The following IQUB variants were observed in gnomAD, a reference collection of about 807,000 sequenced individuals.
The protein encoded by IQUB is IQ motif and ubiquitin domain containing.
IQUB carries 86 observed loss-of-function variants against 86.4 expected under a neutral mutation model. That is an observed-to-expected ratio of 1.00 (90% CI 0.84 to 1.19). The LOEUF (loss-of-function observed/expected upper bound fraction) is 1.19, where lower values mean the gene tolerates loss of function less well. Ranked by LOEUF, IQUB falls within the 50% of genes most tolerant of loss-of-function variation. IQUB has a pLI of 0.00. For synonymous variants in IQUB, 289 were observed against 304.5 expected (o/e 0.95, Z 0.53); for missense variants, 946 against 916.9 (o/e 1.03, Z -0.41).
chr7:123,466,311 C>T (rs1024215975), intron 9 of IQUB, among the ~76,000 whole-genome samples: 4 of 151,970 alleles, frequency 2.6e-5, no homozygotes, highest in Non-Finnish European at 4.4e-5. Flanking sequence ...CATAATTTGC[C>T]TTTTATGAGT....
At chr7:123,468,035 T>C (rs7799759) in intron 9 of IQUB, among the ~76,000 whole-genome samples, 7,194 of 152,286 alleles carry the variant, frequency 0.047, 537 homozygotes, top group African/African-American at 0.16. Context: ...GGTGCAGTTA[T>C]TACCCAATAG....
At chr7:123,465,067 C>A in intron 9 of IQUB, 58 bp from the exon 10 acceptor site, 2 of 1,154,348 alleles carry the variant, frequency 1.7e-6, no homozygotes, top group Non-Finnish European at 2.5e-6. Context: ...AGTTCACTTT[C>A]AAATTGCCAC....
At chr7:123,463,652 G>A (rs1363099946) in intron 10 of IQUB, among the ~76,000 whole-genome samples, 1 of 151,732 alleles carries the variant, frequency 6.6e-6, no homozygotes, top group African/African-American at 2.4e-5. Flanking sequence ...TGACTACAAA[G>A]TGGCAGCATG....
In IQUB at chr7:123,477,057, T is replaced by C. The variant is rs183330220; in HGVS notation, c.1410+2738A>G. 9.2e-5 allele frequency among the ~76,000 whole-genome samples: 14 copies of C among 152,274 alleles called. No homozygotes were observed. The East Asian group carries it at 2.7e-3, about 29-fold the overall frequency. ...AATGCCATCCCCATCAAGCTACCAA[T>C]GACTTTCTTCACAGAATTGGAAAAA... On this transcript the variant is annotated intron_variant, in intron 8 of 12. Transcript: ENST00000324698.
At chr7:123,475,510 C>T (rs570113138) in intron 8 of IQUB, among the ~76,000 whole-genome samples, 9 of 151,272 alleles carry the variant, frequency 5.9e-5, no homozygotes, top group African/African-American at 2.2e-4. Flanking sequence ...TTTATGGATA[C>T]TCCATAATTT....
At chr7:123,488,608 C>T (rs1795322857) in intron 7 of IQUB, among the ~76,000 whole-genome samples, 2 of 152,164 alleles carry the variant, frequency 1.3e-5, no homozygotes, top group South Asian at 2.1e-4. Context: ...TTCCACCCTA[C>T]ATACACACAG....
At chr7:123,471,429 T>C (rs1469954301) in intron 8 of IQUB, among the ~76,000 whole-genome samples, 1 of 152,210 alleles carries the variant, frequency 6.6e-6, no homozygotes, top group African/African-American at 2.4e-5. Flanking sequence ...AACCAATGTC[T>C]TAATCTTTGC....
intron 10 of IQUB, chr7:123,462,855 T>TA (rs1554581213): frequency 2.2e-6 from 1 of 455,088 alleles, no homozygotes; most frequent in Admixed American, 2.4e-5. Context: ...AAGAAAAAAA[T>TA]AACTCATTCT....
chr7:123,465,151 A>T (rs866485834), intron 9 of IQUB, 142 bp from the exon 10 acceptor site: 5 of 597,938 alleles, frequency 8.4e-6, no homozygotes, highest in African/African-American at 7.6e-5. Context: ...CAAAACTAAT[A>T]GTTCATTTTT....
At chr7:123,517,735 T>C (rs1370251516) in intron 1 of IQUB, among the ~76,000 whole-genome samples, 6 of 152,080 alleles carry the variant, frequency 3.9e-5, no homozygotes, top group African/African-American at 1.2e-4. Flanking sequence ...TGAGAGTCAG[T>C]ATCTAGTGAT....
At chr7:123,508,624 G>C (rs1796292813) in intron 3 of IQUB, among the ~76,000 whole-genome samples, 1 of 152,212 alleles carries the variant, frequency 6.6e-6, no homozygotes, top group African/African-American at 2.4e-5. Context: ...ATAAAGAACA[G>C]AGAAATCCTT....
chr7:123,519,519 C>G (rs563782977), intron 1 of IQUB, among the ~76,000 whole-genome samples: 1 of 152,202 alleles, frequency 6.6e-6, no homozygotes, highest in African/African-American at 2.4e-5. Context: ...AACTGGGGGA[C>G]ATTATGTTAA....
chr7:123,521,116 T>C (rs976196111), intron 1 of IQUB, among the ~76,000 whole-genome samples: 3 of 152,144 alleles, frequency 2.0e-5, no homozygotes, highest in African/African-American at 7.2e-5. Context: ...CAGAAGTCTA[T>C]GGTATTTAAA....
chr7:123,520,523 G>C (rs1796853703), intron 1 of IQUB, among the ~76,000 whole-genome samples: 1 of 152,250 alleles, frequency 6.6e-6, no homozygotes, highest in East Asian at 1.9e-4. Context: ...TGAGCAGGAG[G>C]CTGAACTGAG....
chr7:123,466,442 T>A (rs562741587), intron 9 of IQUB, among the ~76,000 whole-genome samples: 35 of 152,260 alleles, frequency 2.3e-4, no homozygotes, highest in African/African-American at 8.4e-4. Context: ...CATGTTTATT[T>A]CCTACCTCTG....
At position 123,512,590 on chromosome 7, in the gene IQUB, CTTATT is replaced by C. The variant is rs538773537; in HGVS notation, c.-4-251_-4-247del. On this transcript the variant is annotated intron_variant, in intron 1 of 12. Coordinates refer to ENST00000324698, the MANE Select transcript of IQUB (RefSeq NM_178827.5). Reference sequence around the variant, plus strand: ...ATATCTTGTCATTTCTTATTTCTTCCTTATTTTAGTCTCATATTTTTTGAAACTTC... The same window carrying C: ...ATATCTTGTCATTTCTTATTTCTTCCTTAGTCTCATATTTTTTGAAACTTC... 4.2e-3 allele frequency among the ~76,000 whole-genome samples: 643 copies of C among 152,144 alleles called. 2 individuals are homozygous for C. Among genetic ancestry groups the C allele is most frequent in the Non-Finnish European group, 6.6e-3 (447 of 67,974 alleles).
At chr7:123,456,163 G>A (rs561254849) in intron 12 of IQUB, among the ~76,000 whole-genome samples, 116 of 152,120 alleles carry the variant, frequency 7.6e-4, no homozygotes, top group African/African-American at 2.7e-3. Flanking sequence ...ACAGAAATTC[G>A]ATAAGACTGG....
Position 123,464,885 on chromosome 7 carries a change from A to G in IQUB, c.1706T>C (p.Phe569Ser), listed in dbSNP as rs1794174467. Reference sequence around the variant, plus strand: ...AAACAGAGGTGTTTTGATATAATGAAAAAAGAGTGTCGCAATTCTTTTTCT... The same window carrying G: ...AAACAGAGGTGTTTTGATATAATGAGAAAAGAGTGTCGCAATTCTTTTTCT... The part of the protein sequence containing the change: ...GLRKRIATLF[F>S]HYIKTPLFNP... The change falls in exon 10 of 13, where the codon TTT becomes TCT. Residue 569 changes from phenylalanine (F) to serine (S), a missense_variant. By Grantham distance (155) the Phe-to-Ser change is radical. Transcript: ENST00000324698. 1 of 1,606,848 alleles carries G rather than the reference A, an allele frequency of 6.2e-7. No homozygotes were observed.
At chr7:123,483,467 G>A (rs921249195) in intron 7 of IQUB, among the ~76,000 whole-genome samples, 3 of 151,982 alleles carry the variant, frequency 2.0e-5, no homozygotes, top group Admixed American at 6.6e-5. Context: ...TCTAAGAAGC[G>A]TATTTCTCTG....
Sources: gnomAD v4.1 joint callset for allele counts (sites outside exome capture counted in the v4.1 genomes callset) on GRCh38, gnomAD v4.1.1 for gene constraint, MANE v1.5 for transcripts, NCBI Gene and HGNC (gene_info 2026-07-23, HGNC 2026-07-21) for gene names.